ADAMTS12: variants seen among roughly 807,000 people sequenced by gnomAD.
ADAMTS12 encodes the protein ADAM metallopeptidase with thrombospondin type 1 motif 12.
ADAMTS12 carries 118 observed loss-of-function variants against 167.8 expected under a neutral mutation model. The observed-to-expected ratio is 0.70, with a 90% CI of 0.61 to 0.82. ADAMTS12 has a LOEUF of 0.82. Among genes scored for constraint, ADAMTS12 ranks in the 40% least tolerant of loss-of-function variants. The probability of loss-of-function intolerance (pLI) is 0.00; values close to 1 mark genes in which losing one functional copy is unlikely to be tolerated. For missense variants in ADAMTS12, 1,916 were observed against 1,998.8 expected, an observed-to-expected ratio of 0.96 and a Z score of 0.79; for synonymous variants, 704 against 716.9, an observed-to-expected ratio of 0.98 and a Z score of 0.29.
At chr5:33,664,797 A>G (rs1470735407) in intron 5 of ADAMTS12, among the ~76,000 whole-genome samples, 2 of 152,182 alleles carry the variant, frequency 1.3e-5, no homozygotes, top group Non-Finnish European at 2.9e-5. Context: ...CATGGGGTAT[A>G]TATCCTAAGG....
At chr5:33,838,010 A>ATT (rs5867218) in intron 2 of ADAMTS12, among the ~76,000 whole-genome samples, 87 of 150,962 alleles carry the variant, frequency 5.8e-4, no homozygotes, top group African/African-American at 2.1e-3. Context: ...CAGCTCTCAT[A>ATT]TTTTTTTTTA....
chr5:33,577,343 A>T (rs566318751), intron 18 of ADAMTS12, among the ~76,000 whole-genome samples, 183 bp from the exon 19 acceptor site: 1 of 152,342 alleles, frequency 6.6e-6, no homozygotes, highest in East Asian at 1.9e-4. Flanking sequence ...CCTGGAGACC[A>T]GCTGGGACTC....
At chr5:33,760,879 C>CTGTGTGTGTGTGTGTG (rs61110268) in intron 2 of ADAMTS12, among the ~76,000 whole-genome samples, 1 of 145,468 alleles carries the variant, frequency 6.9e-6, no homozygotes, top group South Asian at 2.2e-4. Flanking sequence ...TGTCTTTGCT[C>CTGTGTGTGTGTGTGTG]TGTGTGTGTG....
chr5:33,614,488 A>G, intron 15 of ADAMTS12, 112 bp from the exon 16 acceptor site: 1 of 1,304,074 alleles, frequency 7.7e-7, no homozygotes, highest in Non-Finnish European at 1.1e-6. Flanking sequence ...GGGAGCATGC[A>G]TTGGAATAAA....
chr5:33,642,656 CAA>C (rs1740506136), intron 10 of ADAMTS12, among the ~76,000 whole-genome samples: 1 of 152,168 alleles, frequency 6.6e-6, no homozygotes, highest in Non-Finnish European at 1.5e-5. Flanking sequence ...AAAATGAAAA[CAA>C]AGGGAAATGC....
chr5:33,890,057 A>T (rs970991893), intron 1 of ADAMTS12, among the ~76,000 whole-genome samples: 2 of 152,224 alleles, frequency 1.3e-5, no homozygotes, highest in Non-Finnish European at 2.9e-5. Flanking sequence ...CTCTCAGCAC[A>T]TAGCTCTAGA....
intron 17 of ADAMTS12, among the ~76,000 whole-genome samples, chr5:33,591,845 A>G (rs1234407664): frequency 6.6e-6 from 1 of 152,050 alleles, no homozygotes; most frequent in African/African-American, 2.4e-5. Flanking sequence ...GTGGGTTTCT[A>G]TTGGCATCTA....
chr5:33,887,838 G>C lies in ADAMTS12; in HGVS notation c.127+3892C>G, dbSNP rs1750692343. Among the ~76,000 whole-genome samples the C allele has an allele frequency of 3.3e-5, 5 of 151,936 alleles. No individual in the cohort carries two copies. In the South Asian group the frequency reaches 8.3e-4, roughly 25 times the overall value. On this transcript the variant is annotated intron_variant, in intron 1 of 23. Coordinates refer to ENST00000504830, the MANE Select transcript of ADAMTS12 (RefSeq NM_030955.4). ...CGGCCCACTGCAACCTCTGCCTCCA[G>C]GGTTAAAGAGATTTTCCTGCCTCAG... is the stretch of plus-strand genomic sequence containing the variant.
At chr5:33,675,202 C>T (rs552186384) in intron 5 of ADAMTS12, among the ~76,000 whole-genome samples, 2 of 152,210 alleles carry the variant, frequency 1.3e-5, no homozygotes, top group Admixed American at 6.5e-5. Flanking sequence ...AGATGATGGA[C>T]TAAAACAGAC....
At chr5:33,649,806 A>C in intron 7 of ADAMTS12, 109 bp from the exon 8 acceptor site, 1 of 1,370,514 alleles carries the variant, frequency 7.3e-7, no homozygotes, top group Non-Finnish European at 9.8e-7. Context: ...CCACGTTTGT[A>C]CAGAAGGCAA....
At chr5:33,792,338 C>T (rs1186830456) in intron 2 of ADAMTS12, among the ~76,000 whole-genome samples, 1 of 152,152 alleles carries the variant, frequency 6.6e-6, no homozygotes, top group Non-Finnish European at 1.5e-5. Flanking sequence ...CAAAGGGACC[C>T]CGTACTATAG....
chr5:33,735,938 A>G (rs1482672093), intron 3 of ADAMTS12, among the ~76,000 whole-genome samples: 2 of 152,226 alleles, frequency 1.3e-5, no homozygotes, highest in African/African-American at 4.8e-5. Context: ...TAACATTAAA[A>G]GTGTTAAACA....
Position 33,840,970 on chromosome 5 carries a change from A to G in ADAMTS12, c.489+40149T>C, listed in dbSNP as rs982542781. ...CAAATCAACTGAAGCTAAGCATTCCAGTCCTGCTGAACTGAGCTGCTCCCA... is the reference window on the plus strand; with the variant it reads ...CAAATCAACTGAAGCTAAGCATTCCGGTCCTGCTGAACTGAGCTGCTCCCA... On this transcript the variant is annotated intron_variant, in intron 2 of 23. Transcript: ENST00000504830. Among the ~76,000 whole-genome samples, 9 of 152,240 alleles carry G rather than the reference A, an allele frequency of 5.9e-5. No homozygotes were observed. The East Asian group carries it at 1.7e-3, about 29-fold the overall frequency.
At chr5:33,847,212 A>T (rs1029372150) in intron 2 of ADAMTS12, among the ~76,000 whole-genome samples, 1 of 123,242 alleles carries the variant, frequency 8.1e-6, no homozygotes, top group East Asian at 2.3e-4. Flanking sequence ...TATCTCAGAG[A>T]TATGTGGATC....
chr5:33,539,984 G>T (rs959379123), intron 22 of ADAMTS12, among the ~76,000 whole-genome samples: 1 of 152,186 alleles, frequency 6.6e-6, no homozygotes, highest in Non-Finnish European at 1.5e-5. Flanking sequence ...CATGGAGGGC[G>T]AGCGGAAGCA....
chr5:33,768,006 A>G (rs765341789), intron 2 of ADAMTS12, among the ~76,000 whole-genome samples: 2 of 152,196 alleles, frequency 1.3e-5, no homozygotes, highest in Non-Finnish European at 2.9e-5. Flanking sequence ...CAGTAGATAA[A>G]CCAACAGAGT....
intron 2 of ADAMTS12, among the ~76,000 whole-genome samples, chr5:33,754,778 C>G (rs1745113453): frequency 6.6e-6 from 1 of 152,092 alleles, no homozygotes; most frequent in Non-Finnish European, 1.5e-5. Context: ...ATTGCTTAAG[C>G]CTGGGAGGCG....
At chr5:33,771,519 A>C (rs911722959) in intron 2 of ADAMTS12, among the ~76,000 whole-genome samples, 11 of 152,054 alleles carry the variant, frequency 7.2e-5, no homozygotes, top group Non-Finnish European at 1.2e-4. Context: ...GAATATTCTA[A>C]ATTTCCTATA....
intron 17 of ADAMTS12, among the ~76,000 whole-genome samples, chr5:33,590,706 T>C (rs1227652669): frequency 2.0e-5 from 3 of 152,228 alleles, no homozygotes; most frequent in Non-Finnish European, 2.9e-5. Flanking sequence ...CTCGAACTCC[T>C]GCGCTCAAGT....
Sources: gnomAD v4.1 joint callset for allele counts (sites outside exome capture counted in the v4.1 genomes callset) on GRCh38, gnomAD v4.1.1 for gene constraint, MANE v1.5 for transcripts, NCBI Gene and HGNC (gene_info 2026-07-23, HGNC 2026-07-21) for gene names.